The following IPCEF1 variants were observed in gnomAD, a reference collection of about 807,000 sequenced individuals.
The protein encoded by IPCEF1 is interactor protein for cytohesin exchange factors 1.
IPCEF1 carries 31 observed loss-of-function variants against 50.9 expected under a neutral mutation model. The observed-to-expected ratio is 0.61, with a 90% CI of 0.46 to 0.82. The LOEUF is 0.82. Ranked by LOEUF, IPCEF1 falls within the 40% of genes least tolerant of loss-of-function variation. The pLI, the probability that IPCEF1 is intolerant of heterozygous loss-of-function variation, is 0.00. For missense variants in IPCEF1, 458 were observed against 514.0 expected (o/e 0.89, Z 1.05); for synonymous variants, 181 against 192.0 (o/e 0.94, Z 0.47).
At chr6:154,180,515 C>T (rs999454854) in intron 10 of IPCEF1, among the ~76,000 whole-genome samples, 1 of 151,694 alleles carries the variant, frequency 6.6e-6, no homozygotes, top group Non-Finnish European at 1.5e-5. Flanking sequence ...AAGACCCTGC[C>T]AAATGAATGT....
In IPCEF1 at chr6:154,229,955, A is replaced by G. The variant is rs574781790; in HGVS notation, c.247-6712T>C. On this transcript the variant is annotated intron_variant, in intron 5 of 11. Transcript: ENST00000367220. Reference sequence around the variant, plus strand: ...GAAAACATTCTGCTAAGTGAAAGTGAAACACAAGCGATCAGTTATGACTGT... The same window carrying G: ...GAAAACATTCTGCTAAGTGAAAGTGGAACACAAGCGATCAGTTATGACTGT... Among the ~76,000 whole-genome samples, 20 of 152,336 alleles carry G rather than the reference A, an allele frequency of 1.3e-4. 2 individuals are homozygous for G. Among genetic ancestry groups the G allele is most frequent in the South Asian group, 6.2e-4 (3 of 4,830 alleles).
intron 1 of IPCEF1, among the ~76,000 whole-genome samples, chr6:154,333,610 G>A (rs1382327418): frequency 7.0e-6 from 1 of 142,850 alleles, no homozygotes; most frequent in Non-Finnish European, 1.6e-5. Context: ...ATGTATACAA[G>A]TATACATATA....
intron 2 of IPCEF1, among the ~76,000 whole-genome samples, chr6:154,289,244 T>A (rs1316663136): frequency 1.3e-5 from 2 of 151,980 alleles, no homozygotes; most frequent in African/African-American, 4.8e-5. Context: ...GGGGACATCT[T>A]CAGATTGTTT....
intron 5 of IPCEF1, among the ~76,000 whole-genome samples, chr6:154,231,775 C>G (rs933656823): frequency 1.3e-5 from 2 of 152,154 alleles, no homozygotes; most frequent in Non-Finnish European, 2.9e-5. Flanking sequence ...AGGAGACTGA[C>G]TTGGTTGTAA....
At chr6:154,192,320 G>GTGTA (rs1801968120) in intron 10 of IPCEF1, among the ~76,000 whole-genome samples, 1 of 84,658 alleles carries the variant, frequency 1.2e-5, no homozygotes, top group African/African-American at 5.5e-5. Context: ...CGTGGTTACT[G>GTGTA]TGTGTGTGTG....
At chr6:154,275,386 A>G (rs896523277) in intron 2 of IPCEF1, among the ~76,000 whole-genome samples, 2 of 152,202 alleles carry the variant, frequency 1.3e-5, no homozygotes, top group East Asian at 3.8e-4. Context: ...AGTCTGTTCC[A>G]TGAGCACAGC....
intron 1 of IPCEF1, among the ~76,000 whole-genome samples, chr6:154,330,831 C>A (rs1264428336): frequency 6.6e-6 from 1 of 152,170 alleles, no homozygotes; most frequent in East Asian, 1.9e-4. Flanking sequence ...GTGGTTGACA[C>A]AGCATTTTCT....
chr6:154,177,279 T>C (rs1256945320), intron 10 of IPCEF1, among the ~76,000 whole-genome samples: 1 of 152,178 alleles, frequency 6.6e-6, no homozygotes, highest in Non-Finnish European at 1.5e-5. Context: ...AAAGCCAAAA[T>C]TGACAAACGG....
At chr6:154,194,432 T>C (rs1776424947) in intron 10 of IPCEF1, among the ~76,000 whole-genome samples, 1 of 152,096 alleles carries the variant, frequency 6.6e-6, no homozygotes, top group Admixed American at 6.6e-5. Context: ...CTAAATTTAT[T>C]CCTTTCTGAG....
intron 2 of IPCEF1, among the ~76,000 whole-genome samples, chr6:154,269,295 A>T (rs1214084829): frequency 1.3e-5 from 2 of 152,164 alleles, no homozygotes; most frequent in East Asian, 3.9e-4. Context: ...TGGAAATGAG[A>T]TGATGTTGAT....
intron 1 of IPCEF1, among the ~76,000 whole-genome samples, chr6:154,320,766 G>A (rs907239165): frequency 2.6e-5 from 4 of 152,084 alleles, no homozygotes; most frequent in Non-Finnish European, 5.9e-5. Flanking sequence ...CAGCTACTTG[G>A]GAGACTAATG....
rs890007686 is a variant in IPCEF1, at chr6:154,302,947, A to T, written c.-61-13191T>A. ...CCACCTTCCTTTATTTTGTGTATTG[A>T]CTCTGCAACACCCAAATATATGGAT... is the stretch of plus-strand genomic sequence containing the variant. On this transcript the variant is annotated intron_variant, in intron 1 of 11. Transcript: ENST00000367220. Among the ~76,000 whole-genome samples, 6 of 151,920 alleles carry T rather than the reference A, an allele frequency of 3.9e-5. No individual in the cohort carries two copies. In the East Asian group the frequency reaches 1.2e-3, roughly 29 times the overall value.
At chr6:154,250,329 A>G (rs951320513) in intron 3 of IPCEF1, among the ~76,000 whole-genome samples, 8 of 151,934 alleles carry the variant, frequency 5.3e-5, no homozygotes, top group Admixed American at 1.3e-4. Flanking sequence ...ATAACTTGCT[A>G]TCATCATAAA....
chr6:154,242,102 T>C (rs1780646293), intron 5 of IPCEF1, among the ~76,000 whole-genome samples: 1 of 152,228 alleles, frequency 6.6e-6, no homozygotes, highest in Non-Finnish European at 1.5e-5. Flanking sequence ...GAATTCAATA[T>C]AATCGCTAAC....
At chr6:154,206,539 TAA>T (rs1777510618) in intron 9 of IPCEF1, among the ~76,000 whole-genome samples, 1 of 152,174 alleles carries the variant, frequency 6.6e-6, no homozygotes, top group Admixed American at 6.5e-5. Context: ...TTTAAGAATT[TAA>T]TAATTAGAGA....
intron 10 of IPCEF1, among the ~76,000 whole-genome samples, chr6:154,172,722 G>C (rs889025705): frequency 2.0e-5 from 3 of 152,254 alleles, no homozygotes; most frequent in Admixed American, 1.3e-4. Context: ...TTCCACCTCT[G>C]GGGGCAGGGC....
At chr6:154,167,830 C>A in intron 11 of IPCEF1, 90 bp downstream of exon 11, 1 of 972,368 alleles carries the variant, frequency 1.0e-6, no homozygotes, top group Non-Finnish European at 1.5e-6. Flanking sequence ...ACCACACAAA[C>A]ATGCTGTGAT....
intron 1 of IPCEF1, among the ~76,000 whole-genome samples, chr6:154,300,167 T>C (rs1782755978): frequency 7.0e-6 from 1 of 141,900 alleles, no homozygotes; most frequent in African/African-American, 2.5e-5. Flanking sequence ...GGCAGACCTC[T>C]TTGTGGGTAA....
At chr6:154,341,427 G>C (rs899868354) in intron 1 of IPCEF1, among the ~76,000 whole-genome samples, 2 of 152,170 alleles carry the variant, frequency 1.3e-5, no homozygotes, top group Non-Finnish European at 2.9e-5. Context: ...GGATCATTTG[G>C]GGATGGAGGT....
Sources: gnomAD v4.1 joint callset for allele counts (sites outside exome capture counted in the v4.1 genomes callset) on GRCh38, gnomAD v4.1.1 for gene constraint, MANE v1.5 for transcripts, NCBI Gene and HGNC (gene_info 2026-07-23, HGNC 2026-07-21) for gene names.